Variants in DPYSL3 observed in about 807,000 individuals in gnomAD.
DPYSL3 encodes the protein dihydropyrimidinase-related protein 3.
Under a neutral mutation model 66.1 loss-of-function variants are expected in DPYSL3, and 16 were observed. The observed-to-expected ratio is 0.24, with a 90% CI of 0.16 to 0.37. The LOEUF (loss-of-function observed/expected upper bound fraction) is 0.37, where lower values mean the gene tolerates loss of function less well. DPYSL3 is among the 10% of genes least tolerant of loss of function. The pLI, the probability that DPYSL3 is intolerant of heterozygous loss-of-function variation, is 1.00. For missense variants in DPYSL3, 738 were observed against 916.2 expected (o/e 0.81, Z 2.51); for synonymous variants, 338 against 345.1 (o/e 0.98, Z 0.23).
In DPYSL3 at chr5:147,412,647, A is replaced by C. The variant is rs746847113; in HGVS notation, c.924T>G (p.Ile308Met). The change falls in exon 6 of 14, where the codon ATT (isoleucine) becomes ATG (methionine). Residue 308 changes from isoleucine to methionine, a missense_variant. Physicochemically the swap from Ile to Met is conservative, Grantham distance 10 (BLOSUM62 1). Coordinates refer to ENST00000343218, the MANE Select transcript of DPYSL3 (RefSeq NM_001197294.2). ...IFTCLGELGAIAQVHAENGDI... is the reference protein window; with the variant it reads ...IFTCLGELGAMAQVHAENGDI... ...CCCCATTCTCAGCATGAACTTGAGC[A>C]ATGGCCCCCAGCTCTCCCAGGCAGG... 1.2e-6 allele frequency: 2 copies of C among 1,613,090 alleles called. No individual in the cohort carries two copies. Among genetic ancestry groups the C allele is most frequent in the South Asian group, 2.2e-5 (2 of 90,696 alleles).
At chr5:147,453,685 G>A (rs1752788545) in intron 1 of DPYSL3, 4 of 1,421,084 alleles carry the variant, frequency 2.8e-6, no homozygotes, top group Non-Finnish European at 2.8e-6. Flanking sequence ...AGATCAGGTG[G>A]AGTGAATGGT....
rs1464502417 is a variant in DPYSL3 at position 147,478,614 on chromosome 5, C to T, written c.381+30864G>A. Among the ~76,000 whole-genome samples, 3 of 152,176 alleles carry T rather than the reference C, an allele frequency of 2.0e-5. No individual in the cohort carries two copies. In the East Asian group the frequency reaches 5.8e-4, roughly 29 times the overall value. On this transcript the variant is annotated intron_variant, in intron 1 of 13. Transcript: ENST00000343218. ...ACAGTGTTTCAGGTTCCTGAGCATG[C>T]CATGCTCTCTCCTTTATTGATCCTC...
At chr5:147,409,965 C>A (rs1402753360) in intron 6 of DPYSL3, among the ~76,000 whole-genome samples, 1 of 152,134 alleles carries the variant, frequency 6.6e-6, no homozygotes. Context: ...CTAAAAGCAA[C>A]CATGAGAAGT....
Position 147,399,100 on chromosome 5 carries a change from A to G in DPYSL3, c.1605T>C (p.Ser535=), listed in dbSNP as rs1410715797. 5 of 1,613,964 alleles carry G rather than the reference A, an allele frequency of 3.1e-6. No homozygotes were observed. In the African/African-American group the frequency reaches 4.0e-5, roughly 13 times the overall value. ...IWDPDAVKIV[S]AKNHQSAAEY... is the part of the protein sequence containing the mutation. The stretch of plus-strand genomic sequence containing the variant: ...GCCTTACAGACTGGTGGTTCTTGGC[A>G]GAGACGATCTTCACAGCATCTGGAT... Residue 535 remains serine (S), a synonymous_variant, in exon 11 of 14, where the codon TCT becomes TCC. Coordinates refer to ENST00000343218, the MANE Select transcript of DPYSL3 (RefSeq NM_001197294.2).
At chr5:147,446,151 G>C (rs1170778769) in intron 1 of DPYSL3, among the ~76,000 whole-genome samples, 1 of 152,160 alleles carries the variant, frequency 6.6e-6, no homozygotes, top group Non-Finnish European at 1.5e-5. Flanking sequence ...AGTGAGGAGG[G>C]GCTGGCTCAC....
At chr5:147,414,171 C>T (rs1467766848) in intron 4 of DPYSL3, among the ~76,000 whole-genome samples, 2 of 152,192 alleles carry the variant, frequency 1.3e-5, no homozygotes, top group Non-Finnish European at 2.9e-5. Context: ...ACATACAGAG[C>T]TCTTAGCACC....
At chr5:147,423,793 T>C (rs1752135013) in intron 2 of DPYSL3, among the ~76,000 whole-genome samples, 1 of 152,168 alleles carries the variant, frequency 6.6e-6, no homozygotes, top group Admixed American at 6.5e-5. Context: ...CCATCTTGGC[T>C]CACTGCAACC....
At chr5:147,487,874 A>G (rs1438839539) in intron 1 of DPYSL3, among the ~76,000 whole-genome samples, 1 of 152,106 alleles carries the variant, frequency 6.6e-6, no homozygotes, top group Non-Finnish European at 1.5e-5. Context: ...AACTCCCCAC[A>G]TCCCACCCTG....
chr5:147,428,460 AT>A (rs968849141), intron 1 of DPYSL3, among the ~76,000 whole-genome samples: 13 of 152,122 alleles, frequency 8.5e-5, no homozygotes, highest in African/African-American at 3.1e-4. Flanking sequence ...CTGAAAGGCA[AT>A]TCTTAGGCTT....
At chr5:147,418,392 A>T in intron 3 of DPYSL3, 55 bp downstream of exon 3, 2 of 1,496,736 alleles carry the variant, frequency 1.3e-6, no homozygotes, top group Non-Finnish European at 1.8e-6. Flanking sequence ...GAGATAACAC[A>T]TTCATTAAAC....
intron 1 of DPYSL3, among the ~76,000 whole-genome samples, chr5:147,483,960 C>T (rs905111314): frequency 6.6e-6 from 1 of 152,202 alleles, no homozygotes; most frequent in Non-Finnish European, 1.5e-5. Flanking sequence ...GAACATTACA[C>T]GTCACTTTCC....
intron 1 of DPYSL3, among the ~76,000 whole-genome samples, chr5:147,446,959 A>T (rs1752640480): frequency 6.6e-6 from 1 of 152,200 alleles, no homozygotes; most frequent in South Asian, 2.1e-4. Context: ...TGCCTATGGA[A>T]CTACTGCTTT....
chr5:147,426,781 G>A (rs912833435), intron 1 of DPYSL3, among the ~76,000 whole-genome samples: 1 of 152,230 alleles, frequency 6.6e-6, no homozygotes, highest in African/African-American at 2.4e-5. Flanking sequence ...CTGGGATACA[G>A]AAAATTACCA....
At chr5:147,430,449 G>A (rs1396357158) in intron 1 of DPYSL3, among the ~76,000 whole-genome samples, 1 of 150,598 alleles carries the variant, frequency 6.6e-6, no homozygotes, top group Non-Finnish European at 1.5e-5. Flanking sequence ...GGCAGAGATT[G>A]CAGTGAGCCA....
At chr5:147,472,267 T>G (rs1436826138) in intron 1 of DPYSL3, among the ~76,000 whole-genome samples, 1 of 152,112 alleles carries the variant, frequency 6.6e-6, no homozygotes, top group Non-Finnish European at 1.5e-5. Flanking sequence ...TGAAATAAAG[T>G]TGTTCATAAC....
chr5:147,471,085 A>G (rs1012057629), intron 1 of DPYSL3, among the ~76,000 whole-genome samples: 1 of 152,156 alleles, frequency 6.6e-6, no homozygotes, highest in Non-Finnish European at 1.5e-5. Flanking sequence ...ACATATAAAC[A>G]TGCATATATG....
At chr5:147,474,024 C>T (rs897928621) in intron 1 of DPYSL3, among the ~76,000 whole-genome samples, 1 of 152,018 alleles carries the variant, frequency 6.6e-6, no homozygotes. Flanking sequence ...CACAGAAACA[C>T]CTGGTTTTCT....
intron 1 of DPYSL3, among the ~76,000 whole-genome samples, chr5:147,467,651 A>T (rs921675143): frequency 4.6e-5 from 7 of 152,130 alleles, no homozygotes; most frequent in African/African-American, 1.7e-4. Flanking sequence ...ATTTACACGG[A>T]CCTCCAAAAA....
intron 7 of DPYSL3, 114 bp downstream of exon 7, chr5:147,408,614 A>G (rs1751774084): frequency 1.8e-6 from 2 of 1,100,198 alleles, no homozygotes; most frequent in Non-Finnish European, 2.7e-6. Flanking sequence ...AGTCAATCAG[A>G]AGTGGTCTTT....
Sources: allele counts gnomAD v4.1 joint callset (sites outside exome capture counted in the v4.1 genomes callset), GRCh38; gene constraint gnomAD v4.1.1; transcripts MANE v1.5; gene names NCBI Gene and HGNC (gene_info 2026-07-23, HGNC 2026-07-21).